PLCL2: variants seen among roughly 807,000 people sequenced by gnomAD.
PLCL2 encodes inactive phospholipase C-like protein 2.
Under a neutral mutation model 79.6 loss-of-function variants are expected in PLCL2, and 4 were observed. The ratio of observed to expected loss-of-function variants is 0.05; its 90% CI spans 0.02 to 0.11. The LOEUF (loss-of-function observed/expected upper bound fraction) is 0.11. PLCL2 is among the 10% of genes least tolerant of loss of function. The probability of loss-of-function intolerance (pLI) is 1.00; values close to 1 mark genes in which losing one functional copy is unlikely to be tolerated. For missense variants in PLCL2, 895 were observed against 1,291.0 expected (o/e 0.69, Z 4.70); for synonymous variants, 484 against 457.7 (o/e 1.06, Z -0.73).
rs1274137928 is a variant in PLCL2 at position 16,885,217 on chromosome 3, A to C, written c.178A>C (p.Ser60Arg). ...CGGCGGGGTTTCCAACGGAGACTGC[A>C]GCCTCGGCGTGTCCGGGGACGAAGC... ...DSGGVSNGDC[S>R]LGVSGDEARA... Residue 60 changes from serine (S) to arginine (R), a missense_variant, in exon 1 of 6, where the codon AGC (serine) becomes CGC (arginine). Ser to Arg is a moderately radical substitution (Grantham distance 110, BLOSUM62 -1). Coordinates refer to ENST00000615277, the MANE Select transcript of PLCL2 (RefSeq NM_001144382.2). 1.5e-6 allele frequency: 1 copy of C among 655,130 alleles called. No individual in the cohort carries two copies. The highest frequency in any genetic ancestry group is 1.6e-5 in the South Asian group (1 of 63,000). 40.6% of individuals were successfully genotyped at this position (655,130 alleles called of 1,614,324 possible).
chr3:16,918,689 G>A (rs11128810), intron 1 of PLCL2, among the ~76,000 whole-genome samples: 42,970 of 152,000 alleles, frequency 0.28, 6,816 homozygotes, highest in East Asian at 0.52. Context: ...AAGGAAAAAG[G>A]CTAAGCCAGT....
chr3:16,933,966 C>T (rs777492088), intron 1 of PLCL2, among the ~76,000 whole-genome samples: 8 of 152,002 alleles, frequency 5.3e-5, no homozygotes, highest in South Asian at 2.1e-4. Flanking sequence ...ACTCAGGAGG[C>T]GGAGGCAGGA....
At chr3:17,019,651 C>A (rs1319427924) in intron 3 of PLCL2, among the ~76,000 whole-genome samples, 1 of 152,064 alleles carries the variant, frequency 6.6e-6, no homozygotes, top group African/African-American at 2.4e-5. Flanking sequence ...ATAGAAAATT[C>A]TTCATTTTGC....
chr3:17,020,229 A>G (rs985083838), intron 3 of PLCL2, among the ~76,000 whole-genome samples: 1 of 152,228 alleles, frequency 6.6e-6, no homozygotes, highest in African/African-American at 2.4e-5. Context: ...CTATAGAGAG[A>G]AAACATTGAA....
At chr3:16,990,082 A>G (rs528852338) in intron 1 of PLCL2, among the ~76,000 whole-genome samples, 8 of 152,200 alleles carry the variant, frequency 5.3e-5, no homozygotes, top group Non-Finnish European at 7.4e-5. Context: ...TCCTCACAAA[A>G]TGCATTATAT....
At chr3:16,938,762 T>A (rs1407963121) in intron 1 of PLCL2, among the ~76,000 whole-genome samples, 1 of 152,190 alleles carries the variant, frequency 6.6e-6, no homozygotes, top group Non-Finnish European at 1.5e-5. Context: ...TCTCCTTTTG[T>A]TTATGCCCCA....
intron 3 of PLCL2, among the ~76,000 whole-genome samples, chr3:17,016,432 C>A (rs1038701138): frequency 2.0e-5 from 3 of 152,186 alleles, no homozygotes; most frequent in Admixed American, 2.0e-4. Context: ...ACACTGCAAG[C>A]AAACTACATA....
chr3:17,076,702 C>T (rs1222075880), intron 5 of PLCL2, among the ~76,000 whole-genome samples: 2 of 152,080 alleles, frequency 1.3e-5, no homozygotes, highest in Admixed American at 1.3e-4. Context: ...TAGGTTTTGC[C>T]ATGTTCCCCA....
chr3:16,968,179 G>C (rs1044280635), intron 1 of PLCL2, among the ~76,000 whole-genome samples: 1 of 152,096 alleles, frequency 6.6e-6, no homozygotes, highest in African/African-American at 2.4e-5. Context: ...AGTATAGTTT[G>C]AAGTTAGGTA....
chr3:16,968,038 GT>G (rs2063823905), intron 1 of PLCL2, among the ~76,000 whole-genome samples: 2 of 151,964 alleles, frequency 1.3e-5, no homozygotes, highest in Admixed American at 1.3e-4. Flanking sequence ...CCTATTGCTT[GT>G]TTTTGTCTAC....
chr3:16,902,529 C>G (rs554551295), intron 1 of PLCL2, among the ~76,000 whole-genome samples: 20 of 152,158 alleles, frequency 1.3e-4, no homozygotes, highest in African/African-American at 4.6e-4. Flanking sequence ...GTAACTTTCT[C>G]TCTAAAATGC....
At chr3:16,945,251 CACACACACACAT>C (rs1575544340) in intron 1 of PLCL2, among the ~76,000 whole-genome samples, 1 of 151,912 alleles carries the variant, frequency 6.6e-6, no homozygotes. Context: ...CACACACACA[CACACACACACAT>C]ACACACACAT....
chr3:16,908,625 C>A (rs1337890955), intron 1 of PLCL2, among the ~76,000 whole-genome samples: 1 of 152,082 alleles, frequency 6.6e-6, no homozygotes, highest in Non-Finnish European at 1.5e-5. Flanking sequence ...GGTGGATAAT[C>A]TTCAGGCACA....
At position 16,990,641 on chromosome 3, in the gene PLCL2, T is replaced by C. The variant is rs907419547; in HGVS notation, c.328-19033T>C. ...TGTAAAAATCTTAGTTAGGTCAGCC[T>C]CTACAGCGCTTTCATATTTATTATC... On this transcript the variant is annotated intron_variant, in intron 1 of 5. Coordinates refer to ENST00000615277, the MANE Select transcript of PLCL2 (RefSeq NM_001144382.2). Among the ~76,000 whole-genome samples the C allele has an allele frequency of 2.0e-5, 3 of 152,340 alleles. No homozygotes were observed. The East Asian group carries it at 5.8e-4, about 29-fold the overall frequency.
intron 1 of PLCL2, among the ~76,000 whole-genome samples, chr3:16,957,930 G>C (rs1244916465): frequency 6.6e-6 from 1 of 152,086 alleles, no homozygotes; most frequent in East Asian, 1.9e-4. Flanking sequence ...GTCTCTGCAC[G>C]TGAGATGGGT....
intron 1 of PLCL2, among the ~76,000 whole-genome samples, chr3:16,936,911 C>A (rs946688960): frequency 4.9e-4 from 74 of 152,026 alleles, no homozygotes; most frequent in African/African-American, 1.8e-3. Flanking sequence ...TCTTTATAGT[C>A]CAGGATTTTT....
At chr3:16,917,855 AGGAT>A (rs1190172697) in intron 1 of PLCL2, among the ~76,000 whole-genome samples, 2 of 152,164 alleles carry the variant, frequency 1.3e-5, no homozygotes, top group African/African-American at 4.8e-5. Flanking sequence ...CACACTGAAG[AGGAT>A]CATGTAGGAT....
At chr3:17,044,923 G>C (rs764677359) in intron 4 of PLCL2, among the ~76,000 whole-genome samples, 17 of 152,152 alleles carry the variant, frequency 1.1e-4, no homozygotes, top group Non-Finnish European at 2.1e-4. Context: ...GATTAGGATG[G>C]GGGGAGAATA....
intron 1 of PLCL2, among the ~76,000 whole-genome samples, chr3:16,906,703 C>A (rs756668420): frequency 3.9e-5 from 6 of 152,102 alleles, no homozygotes; most frequent in Non-Finnish European, 8.8e-5. Flanking sequence ...AATAAAGCTT[C>A]ATAAATTAGT....
Sources: allele counts gnomAD v4.1 joint callset (sites outside exome capture counted in the v4.1 genomes callset), GRCh38; gene constraint gnomAD v4.1.1; transcripts MANE v1.5; gene names NCBI Gene and HGNC (gene_info 2026-07-23, HGNC 2026-07-21).